The following EXD3 variants were observed in gnomAD, a reference collection of about 807,000 sequenced individuals.
EXD3 encodes the protein exonuclease 3'-5' domain containing 3.
Under a neutral mutation model 98.0 loss-of-function variants are expected in EXD3, and 92 were observed. The ratio of observed to expected loss-of-function variants is 0.94; its 90% CI spans 0.79 to 1.12. EXD3 has a LOEUF of 1.12. Among genes scored for constraint, EXD3 ranks in the 50% most tolerant of loss-of-function variants. The pLI, the probability that EXD3 is intolerant of heterozygous loss-of-function variation, is 0.00. For synonymous variants in EXD3, 569 were observed against 526.0 expected, an observed-to-expected ratio of 1.08 and a Z score of -1.12; for missense variants, 1,222 against 1,191.6, an observed-to-expected ratio of 1.03 and a Z score of -0.38.
At chr9:137,417,357 G>C (rs1408047996) in intron 1 of EXD3, among the ~76,000 whole-genome samples, 1 of 152,234 alleles carries the variant, frequency 6.6e-6, no homozygotes, top group African/African-American at 2.4e-5. Flanking sequence ...AAGCGAGCGC[G>C]CCCGCAGAGG....
chr9:137,324,097 A>G lies in EXD3; in HGVS notation c.2045T>C (p.Phe682Ser). ...GRIILTSGQPFHKLRAQVGAG... is the reference protein window; with the variant it reads ...GRIILTSGQPSHKLRAQVGAG... ...TATCTTTGGGACACTCACCTTGTGG[A>G]ATGGCTGCCCCGACGTCAGAATGAT... Residue 682 changes from phenylalanine to serine, a missense_variant, in exon 18 of 22, where the codon TTC becomes TCC. By Grantham distance (155) the Phe-to-Ser change is radical. Transcript: ENST00000340951. The surrounding 1 kb of genome is among the most constrained non-coding windows in gnomAD (Gnocchi z 4.1). 4 of 1,588,224 alleles carry G rather than the reference A, an allele frequency of 2.5e-6. No individual in the cohort carries two copies. The highest frequency in any genetic ancestry group is 3.4e-6 in the Non-Finnish European group (4 of 1,168,050).
Position 137,407,489 on chromosome 9 carries a change from CT to C in EXD3, c.-47-12086del, listed in dbSNP as rs1205647342. On this transcript the variant is annotated intron_variant, in intron 1 of 21. Transcript: ENST00000340951. The surrounding 1 kb of genome is among the most constrained non-coding windows in gnomAD (Gnocchi z 4.4). Reference sequence around the variant, plus strand: ...AAGGGCAGGTCTGGCCGCTCTCGGGCTCTGCCCTGCCAGCCCCACAACCCAG... The same window carrying C: ...AAGGGCAGGTCTGGCCGCTCTCGGGCCTGCCCTGCCAGCCCCACAACCCAG... Among the ~76,000 whole-genome samples, 1 of 152,224 alleles carries C rather than the reference CT, an allele frequency of 6.6e-6. No homozygotes were observed. Among genetic ancestry groups the C allele is most frequent in the East Asian group, 1.9e-4 (1 of 5,184 alleles).
chr9:137,363,866 G>A (rs904177606), intron 7 of EXD3, among the ~76,000 whole-genome samples: 1 of 152,120 alleles, frequency 6.6e-6, no homozygotes, highest in African/African-American at 2.4e-5. Context: ...GCATTAAGTT[G>A]CAAACAATAT....
At chr9:137,334,249 A>G (rs1833244542) in intron 17 of EXD3, among the ~76,000 whole-genome samples, 1 of 152,028 alleles carries the variant, frequency 6.6e-6, no homozygotes, top group African/African-American at 2.4e-5. Flanking sequence ...TAATCCGCCC[A>G]CCTCTGCCTC....
chr9:137,308,481 C>T (rs111693226), intron 20 of EXD3, among the ~76,000 whole-genome samples: 3,379 of 152,042 alleles, frequency 0.022, 46 homozygotes, highest in Middle Eastern at 0.037. Flanking sequence ...GGGTGTGTGC[C>T]GTCATGTCCT....
chr9:137,352,877 C>T, intron 10 of EXD3, 91 bp from the exon 11 acceptor site: 3 of 1,482,364 alleles, frequency 2.0e-6, no homozygotes, highest in Non-Finnish European at 2.7e-6. Flanking sequence ...CCCGACCTTG[C>T]AGACTGGCTA....
chr9:137,393,225 C>A lies in EXD3; in HGVS notation c.55+2078G>T, dbSNP rs960244757. 15 of 702,526 alleles carry A rather than the reference C, an allele frequency of 2.1e-5. No individual in the cohort carries two copies. The highest frequency in any genetic ancestry group is 3.6e-5 in the Non-Finnish European group (14 of 384,908). The allele number at this position is 702,526 out of a possible 1,614,324, so 43.5% of individuals were successfully genotyped here. ...TTAGGTGGAGAAGAGGCTGTAGAAG[C>A]CTGTGGGTGCCTGTGCAGGGAGAGT... On this transcript the variant is annotated intron_variant, in intron 2 of 21. Coordinates refer to ENST00000340951, the MANE Select transcript of EXD3 (RefSeq NM_017820.5). This position sits in a 1 kb window ranked among gnomAD's most constrained non-coding sequence, Gnocchi z 4.6.
At chr9:137,352,258 C>T (rs1450351478) in intron 11 of EXD3, 57 bp from the exon 12 acceptor site, 5 of 1,605,982 alleles carry the variant, frequency 3.1e-6, no homozygotes, top group African/African-American at 2.7e-5. Flanking sequence ...CCCACTCTGA[C>T]CTCGGAGCAG....
chr9:137,343,713 C>G (rs1250456460), intron 17 of EXD3, among the ~76,000 whole-genome samples: 1 of 148,366 alleles, frequency 6.7e-6, no homozygotes, highest in African/African-American at 2.5e-5. Flanking sequence ...CTCAGCCTCC[C>G]GAGTAGCTGG....
chr9:137,320,699 C>T (rs566127870), intron 19 of EXD3, among the ~76,000 whole-genome samples: 198 of 152,340 alleles, frequency 1.3e-3, no homozygotes, highest in African/African-American at 4.3e-3. Context: ...GGACACCCTT[C>T]TCCATGCAGG....
intron 14 of EXD3, 131 bp downstream of exon 14, chr9:137,350,907 T>C: frequency 2.8e-6 from 2 of 708,108 alleles, no homozygotes; most frequent in South Asian, 3.6e-5. Flanking sequence ...GGGGCCCTGG[T>C]GACTGAGGCT....
chr9:137,352,018 C>G (rs779523987), intron 12 of EXD3, 48 bp downstream of exon 12: 1 of 1,564,174 alleles, frequency 6.4e-7, no homozygotes, highest in Non-Finnish European at 8.7e-7. Context: ...CAGTGCCTGG[C>G]AGGGGGATCC....
chr9:137,364,160 A>G (rs772719190), intron 7 of EXD3, among the ~76,000 whole-genome samples: 1 of 152,044 alleles, frequency 6.6e-6, no homozygotes, highest in African/African-American at 2.4e-5. Flanking sequence ...GTTCTACTCC[A>G]TTACCATTGT....
intron 17 of EXD3, among the ~76,000 whole-genome samples, chr9:137,337,684 AAGCTGGATCTACTG>A (rs1461237495): frequency 6.6e-6 from 1 of 151,530 alleles, no homozygotes; most frequent in African/African-American, 2.4e-5. Flanking sequence ...CACATTTGGC[AAGCTGGATCTACTG>A]AGTGTGTGCA....
chr9:137,342,636 A>C (rs192027449), intron 17 of EXD3, among the ~76,000 whole-genome samples: 1 of 152,268 alleles, frequency 6.6e-6, no homozygotes, highest in East Asian at 1.9e-4. Flanking sequence ...CATTGTTTGT[A>C]AAGATTAGGA....
chr9:137,360,727 C>G lies in EXD3; in HGVS notation c.657-4359G>C, dbSNP rs192443207. Among the ~76,000 whole-genome samples, 15 of 85,808 alleles carry G rather than the reference C, an allele frequency of 1.7e-4. 5 individuals are homozygous for G. The highest frequency in any genetic ancestry group is 4.8e-4 in the African/African-American group (15 of 31,018). The allele number at this position is 85,808 out of a possible 152,430, so 56.3% of individuals were successfully genotyped here. A position where few individuals can be genotyped will look rare whatever the true frequency, so the allele number is the denominator to read the frequency against. ...CCGCCTGCCTCAACCTCCCAAAGTGCTGGGAATACAGGTGTGAGCCACCGC... is the reference window on the plus strand; with the variant it reads ...CCGCCTGCCTCAACCTCCCAAAGTGGTGGGAATACAGGTGTGAGCCACCGC... On this transcript the variant is annotated intron_variant, in intron 7 of 21. Transcript: ENST00000340951.
chr9:137,362,019 C>G (rs1390819974), intron 7 of EXD3, among the ~76,000 whole-genome samples: 1 of 151,994 alleles, frequency 6.6e-6, no homozygotes, highest in African/African-American at 2.4e-5. Context: ...CAAAAACAAC[C>G]AAAGCTCATT....
chr9:137,322,136 A>T (rs1386024910), intron 19 of EXD3, among the ~76,000 whole-genome samples: 2 of 152,148 alleles, frequency 1.3e-5, no homozygotes, highest in Non-Finnish European at 2.9e-5. Context: ...AGACGTCACC[A>T]AGCAGACGCA....
intron 3 of EXD3, among the ~76,000 whole-genome samples, chr9:137,375,963 C>T (rs972381371): frequency 1.3e-5 from 2 of 152,230 alleles, no homozygotes; most frequent in Admixed American, 1.3e-4. Flanking sequence ...TAAGCAACTA[C>T]CCCCATTTTA....
Sources: gnomAD v4.1 joint callset for allele counts (sites outside exome capture counted in the v4.1 genomes callset) on GRCh38, gnomAD v4.1.1 for gene constraint, Gnocchi (gnomAD v3.1) non-coding constraint, MANE v1.5 for transcripts, NCBI Gene and HGNC (gene_info 2026-07-23, HGNC 2026-07-21) for gene names.